Variants in DNAH8 observed in about 807,000 individuals in gnomAD.
The protein encoded by DNAH8 is dynein axonemal heavy chain 8, also known as axonemal beta dynein heavy chain 8.
A neutral mutation model predicts 562.1 loss-of-function variants in DNAH8; 382 were observed. The ratio of observed to expected loss-of-function variants is 0.68; its 90% confidence interval spans 0.63 to 0.74. The LOEUF is 0.74. DNAH8 is among the 30% of genes least tolerant of loss of function. DNAH8 has a pLI of 0.00. For synonymous variants in DNAH8, 1,881 were observed against 1,919.4 expected, an observed-to-expected ratio of 0.98 and a Z score of 0.52; for missense variants, 5,203 against 5,620.4, an observed-to-expected ratio of 0.93 and a Z score of 2.37.
intron 18 of DNAH8, among the ~76,000 whole-genome samples, chr6:38,787,420 G>T (rs902544520): frequency 6.6e-6 from 1 of 151,944 alleles, no homozygotes; most frequent in African/African-American, 2.4e-5. Flanking sequence ...AAAATGGTAG[G>T]CAAAAACTGA....
At chr6:38,951,896 T>C (rs1761933511) in intron 82 of DNAH8, among the ~76,000 whole-genome samples, 1 of 152,214 alleles carries the variant, frequency 6.6e-6, no homozygotes, top group Non-Finnish European at 1.5e-5. Flanking sequence ...ATTAAAAAAC[T>C]ATAACCATTA....
intron 21 of DNAH8, among the ~76,000 whole-genome samples, chr6:38,792,862 T>G (rs9380776): frequency 0.34 from 51,909 of 151,978 alleles, 9,345 homozygotes; most frequent in East Asian, 0.49. Context: ...CACTGGAGCC[T>G]TGACCTCCTG....
At chr6:38,978,246 C>T (rs1289791454) in intron 85 of DNAH8, among the ~76,000 whole-genome samples, 1 of 152,120 alleles carries the variant, frequency 6.6e-6, no homozygotes, top group Non-Finnish European at 1.5e-5. Flanking sequence ...GAAATTCTAT[C>T]GTGGCCCTTA....
chr6:38,939,613 T>C (rs1419046705), intron 79 of DNAH8, among the ~76,000 whole-genome samples: 1 of 152,194 alleles, frequency 6.6e-6, no homozygotes, highest in Non-Finnish European at 1.5e-5. Flanking sequence ...ACCTAAGTGC[T>C]ATAAGAGAGC....
chr6:38,825,825 C>T (rs144557646), intron 28 of DNAH8, among the ~76,000 whole-genome samples: 5 of 152,100 alleles, frequency 3.3e-5, no homozygotes, highest in East Asian at 1.9e-4. Flanking sequence ...GAGAAAAATG[C>T]GAGAATGAAT....
rs771600374 is a variant in DNAH8 at position 38,737,981 on chromosome 6, A to C, written c.1116+9A>C. 32 of 1,608,460 alleles carry C rather than the reference A, an allele frequency of 2.0e-5. No homozygotes were observed. The highest frequency in any genetic ancestry group is 3.3e-4 in the Middle Eastern group (2 of 6,070). ...ACAAACAGATCGAACAGGTGAATTG[A>C]CTCAAACAATTGCATCTGGACTAGT... is the stretch of plus-strand genomic sequence containing the variant. On this transcript the variant is annotated intron_variant, in intron 7 of 92. Coordinates refer to ENST00000327475, the MANE Select transcript of DNAH8 (RefSeq NM_001206927.2).
chr6:38,724,212 A>C (rs1763019497), intron 3 of DNAH8, among the ~76,000 whole-genome samples: 1 of 151,836 alleles, frequency 6.6e-6, no homozygotes, highest in Non-Finnish European at 1.5e-5. Flanking sequence ...TGATCTCTTG[A>C]CCTCGTGATC....
chr6:38,741,015 A>G (rs2127585183), intron 7 of DNAH8, among the ~76,000 whole-genome samples: 1 of 152,160 alleles, frequency 6.6e-6, no homozygotes, highest in Admixed American at 6.5e-5. Flanking sequence ...TTCTTTAGTT[A>G]CCTTGTTCTG....
intron 20 of DNAH8, among the ~76,000 whole-genome samples, chr6:38,791,197 T>G (rs1344089385): frequency 6.6e-6 from 1 of 152,134 alleles, no homozygotes; most frequent in Non-Finnish European, 1.5e-5. Flanking sequence ...TAAACCTGGG[T>G]AGGATTCTCT....
chr6:38,754,770 A>G (rs897341604), intron 9 of DNAH8, among the ~76,000 whole-genome samples: 4 of 152,094 alleles, frequency 2.6e-5, no homozygotes, highest in African/African-American at 9.7e-5. Flanking sequence ...CATTTGCAAA[A>G]TGGGAATAAT....
At chr6:38,952,497 C>T (rs769869907) in intron 82 of DNAH8, among the ~76,000 whole-genome samples, 7 of 152,166 alleles carry the variant, frequency 4.6e-5, no homozygotes, top group African/African-American at 7.2e-5. Context: ...TTAATCCAAT[C>T]ATGTCTTTTG....
intron 88 of DNAH8, 96 bp downstream of exon 88, chr6:38,990,268 C>A: frequency 1.2e-6 from 1 of 828,622 alleles, no homozygotes. Context: ...TCTCTCCTTT[C>A]CCCCTTTTTT....
At chr6:38,913,249 CA>C (rs1341728074) in intron 66 of DNAH8, among the ~76,000 whole-genome samples, 2 of 152,152 alleles carry the variant, frequency 1.3e-5, no homozygotes, top group Non-Finnish European at 2.9e-5. Flanking sequence ...AGAAATTGGA[CA>C]ATATACAGAT....
intron 92 of DNAH8, among the ~76,000 whole-genome samples, chr6:39,026,885 A>T (rs568804891): frequency 6.6e-6 from 1 of 152,324 alleles, no homozygotes; most frequent in East Asian, 1.9e-4. Context: ...AACTCCGTAG[A>T]CTACATTTCT....
intron 89 of DNAH8, among the ~76,000 whole-genome samples, chr6:39,009,301 T>TCCA (rs1561971184): frequency 3.2e-4 from 48 of 148,774 alleles, no homozygotes; most frequent in South Asian, 6.5e-4. Context: ...TAAGCTGTGC[T>TCCA]AAAAAAAAAA....
intron 56 of DNAH8, among the ~76,000 whole-genome samples, chr6:38,886,082 A>G (rs1366759738): frequency 6.6e-6 from 1 of 151,772 alleles, no homozygotes. Context: ...TTAGAAGAGA[A>G]TTTGAAGCTA....
chr6:38,723,130 G>C lies in DNAH8; in HGVS notation c.321G>C (p.Arg107=), dbSNP rs772137803. ...AAGTGCTGTCCTTGCCGTCTTCCCG[G>C]AGGTCCTCCAGATACCGCCGGAGTA... ...ISEVLSLPSS[R]RSSRYRRSMS... Residue 107 remains arginine, a synonymous_variant, in exon 2 of 93, where the codon CGG becomes CGC. Coordinates refer to ENST00000327475, the MANE Select transcript of DNAH8 (RefSeq NM_001206927.2). 2.5e-6 allele frequency: 4 copies of C among 1,612,682 alleles called. No homozygotes were observed. The East Asian group carries it at 6.7e-5, about 27-fold the overall frequency.
chr6:38,797,527 G>T (rs1770382589), intron 21 of DNAH8, among the ~76,000 whole-genome samples: 1 of 152,004 alleles, frequency 6.6e-6, no homozygotes, highest in African/African-American at 2.4e-5. Flanking sequence ...CCCCTCCCCT[G>T]AAACTAAAAG....
chr6:38,939,126 T>C, intron 79 of DNAH8, 138 bp downstream of exon 79: 1 of 685,236 alleles, frequency 1.5e-6, no homozygotes, highest in South Asian at 3.4e-5. Flanking sequence ...TTATTTTTAA[T>C]ACCTTTTTTC....
Sources: gnomAD v4.1 joint callset for allele counts (sites outside exome capture counted in the v4.1 genomes callset) on GRCh38, gnomAD v4.1.1 for gene constraint, MANE v1.5 for transcripts, NCBI Gene and HGNC (gene_info 2026-07-23, HGNC 2026-07-21) for gene names.